The following TRIM37 variants were observed in gnomAD, a reference collection of about 807,000 sequenced individuals.
TRIM37 encodes the protein tripartite motif containing 37.
TRIM37 carries 80 observed loss-of-function variants against 129.8 expected under a neutral mutation model. The ratio of observed to expected loss-of-function variants is 0.62; its 90% CI spans 0.51 to 0.74. The LOEUF is 0.74. Among genes scored for constraint, TRIM37 ranks in the 30% least tolerant of loss-of-function variants. The pLI is 0.00. For synonymous variants in TRIM37, 389 were observed against 387.1 expected (o/e 1.00, Z -0.06); for missense variants, 1,054 against 1,176.5 (o/e 0.90, Z 1.52).
chr17:59,086,834 TAAGA>T (rs1178794651), intron 4 of TRIM37, among the ~76,000 whole-genome samples: 6 of 152,022 alleles, frequency 3.9e-5, no homozygotes, highest in African/African-American at 1.4e-4. Context: ...AAACAGCAAG[TAAGA>T]AAGACTAGCA....
At chr17:59,091,232 T>A (rs374056791) in intron 3 of TRIM37, 68 bp downstream of exon 3, 33 of 1,245,770 alleles carry the variant, frequency 2.6e-5, no homozygotes, top group East Asian at 1.9e-4. Context: ...ACTGCCTTTA[T>A]GAATCCCAAG....
At chr17:58,989,820 C>T (rs1032831682) in intron 24 of TRIM37, among the ~76,000 whole-genome samples, 14 of 152,102 alleles carry the variant, frequency 9.2e-5, no homozygotes, top group Middle Eastern at 3.4e-3. Flanking sequence ...AAGAAATATT[C>T]GAAGAGATAA....
At chr17:59,065,564 T>C (rs2041859886) in intron 9 of TRIM37, among the ~76,000 whole-genome samples, 1 of 152,198 alleles carries the variant, frequency 6.6e-6, no homozygotes, top group Non-Finnish European at 1.5e-5. Flanking sequence ...GTGGATGGTT[T>C]GTACACTTTC....
intron 17 of TRIM37, among the ~76,000 whole-genome samples, chr17:59,037,429 G>A (rs1039297620): frequency 6.6e-6 from 1 of 150,880 alleles, no homozygotes; most frequent in Non-Finnish European, 1.5e-5. Context: ...GTGGTGGCGG[G>A]CGCCTGTAGT....
chr17:58,990,342 T>A lies in TRIM37; in HGVS notation c.2892-7421A>T, dbSNP rs563538641. On this transcript the variant is annotated intron_variant, in intron 24 of 24. Transcript: ENST00000393066. ...CCTATCTCTACTAAAAACACAAAAATTAGCTAAGCATGGTGGTGCACGCCT... is the reference window on the plus strand; with the variant it reads ...CCTATCTCTACTAAAAACACAAAAAATAGCTAAGCATGGTGGTGCACGCCT... 4.6e-5 allele frequency among the ~76,000 whole-genome samples: 7 copies of A among 151,198 alleles called. No individual in the cohort carries two copies. In the East Asian group the frequency reaches 9.7e-4, roughly 21 times the overall value.
chr17:58,971,854 C>T, the TRIM37 span, among the ~76,000 whole-genome samples: 3 of 152,230 alleles, frequency 2.0e-5, no homozygotes, highest in Non-Finnish European at 4.4e-5. Flanking sequence ...GGGCAAGTCA[C>T]ATAACCTGCC....
intron 22 of TRIM37, among the ~76,000 whole-genome samples, chr17:59,009,443 C>CTT (rs61545184): frequency 1.1e-3 from 123 of 107,590 alleles, no homozygotes; most frequent in African/African-American, 3.6e-3. Flanking sequence ...AATTTCTTTT[C>CTT]TTTTTTTTTT....
downstream of TRIM37, chr17:58,982,645 A>G (rs1051529552): frequency 6.5e-6 from 3 of 461,428 alleles, no homozygotes; most frequent in African/African-American, 5.9e-5. Flanking sequence ...CACTTTAGCA[A>G]TGATCAGATT....
At chr17:59,037,235 G>C (rs954864831) in intron 17 of TRIM37, among the ~76,000 whole-genome samples, 1 of 151,916 alleles carries the variant, frequency 6.6e-6, no homozygotes, top group African/African-American at 2.4e-5. Flanking sequence ...GTGTCACCCC[G>C]ATCTAGCTTT....
chr17:59,022,445 G>A (rs2036718963), intron 19 of TRIM37, among the ~76,000 whole-genome samples: 2 of 152,160 alleles, frequency 1.3e-5, no homozygotes, highest in Admixed American at 6.6e-5. Flanking sequence ...AGAAATTCTC[G>A]TAGTAAGAAA....
At chr17:59,084,550 G>GCT (rs2043586713) in intron 4 of TRIM37, among the ~76,000 whole-genome samples, 2 of 152,132 alleles carry the variant, frequency 1.3e-5, no homozygotes, top group Non-Finnish European at 2.9e-5. Flanking sequence ...CATGGAAAAT[G>GCT]AACAACTCAA....
the TRIM37 span, among the ~76,000 whole-genome samples, chr17:58,968,377 A>G: frequency 6.6e-6 from 1 of 152,178 alleles, no homozygotes; most frequent in African/African-American, 2.4e-5. Flanking sequence ...ATGATCTGTG[A>G]TCATGCCACT....
downstream of TRIM37, among the ~76,000 whole-genome samples, chr17:58,994,529 GTA>G: frequency 6.6e-6 from 1 of 152,224 alleles, no homozygotes; most frequent in Admixed American, 6.5e-5. Flanking sequence ...CATAGCTGCA[GTA>G]AGCTATGCAC....
At chr17:59,022,374 T>G (rs1304095635) in intron 19 of TRIM37, among the ~76,000 whole-genome samples, 1 of 152,228 alleles carries the variant, frequency 6.6e-6, no homozygotes, top group Admixed American at 6.5e-5. Context: ...TAGTAAATCA[T>G]TTTGACAAAT....
chr17:59,025,448 TG>T (rs2037143334), intron 19 of TRIM37, among the ~76,000 whole-genome samples: 1 of 151,502 alleles, frequency 6.6e-6, no homozygotes, highest in Non-Finnish European at 1.5e-5. Context: ...TATTCATGGA[TG>T]AATATTATTA....
At chr17:59,106,201 G>A (rs540955474) in intron 1 of TRIM37, among the ~76,000 whole-genome samples, 15 of 152,286 alleles carry the variant, frequency 9.8e-5, no homozygotes, top group Admixed American at 1.3e-4. Flanking sequence ...GAGTACCTGT[G>A]CCAAGACATC....
chr17:58,993,724 C>T (rs1199886525), downstream of TRIM37, among the ~76,000 whole-genome samples: 3 of 152,030 alleles, frequency 2.0e-5, no homozygotes, highest in Non-Finnish European at 4.4e-5. Flanking sequence ...GGATACAAGA[C>T]ATTTGTTGAA....
At chr17:58,996,585 G>A (rs2068071475), downstream of TRIM37, among the ~76,000 whole-genome samples, 1 of 151,616 alleles carries the variant, frequency 6.6e-6, no homozygotes, top group Non-Finnish European at 1.5e-5. Flanking sequence ...CTCAGGAGTT[G>A]GAGGCCAGCC....
At position 58,999,234 on chromosome 17, in the gene TRIM37, C is replaced by T; in HGVS notation, c.*143G>A. On this transcript the variant is annotated 3_prime_UTR_variant, in exon 24 of 24. Transcript: ENST00000262294. ...TAGACTAAACTGTGCCACCTTCCAA[C>T]AGTTTCCAAATTACTATTTCAGGTC... 1.9e-6 allele frequency: 3 copies of T among 1,567,958 alleles called. No homozygotes were observed. The highest frequency in any genetic ancestry group is 2.6e-6 in the Non-Finnish European group (3 of 1,158,908).
Sources: gnomAD v4.1 joint callset for allele counts (sites outside exome capture counted in the v4.1 genomes callset) on GRCh38, gnomAD v4.1.1 for gene constraint, MANE v1.5 for transcripts, NCBI Gene and HGNC (gene_info 2026-07-23, HGNC 2026-07-21) for gene names.